Variants in SMARCAD1 observed in about 807,000 individuals in gnomAD.
The protein encoded by SMARCAD1 is SNF2 related chromatin remodeling ATPase with DExD box 1.
In SMARCAD1, 25 loss-of-function variants were observed where a neutral mutation model predicts 127.1. The ratio of observed to expected loss-of-function variants is 0.20; its 90% CI spans 0.14 to 0.27. The LOEUF is 0.27. SMARCAD1 is among the 10% of genes least tolerant of loss of function. The pLI is 1.00. For missense variants in SMARCAD1, 807 were observed against 1,206.0 expected, an observed-to-expected ratio of 0.67 and a Z score of 4.90; for synonymous variants, 400 against 396.9, an observed-to-expected ratio of 1.01 and a Z score of -0.09.
At chr4:94,254,612 T>C (rs549133133) in intron 9 of SMARCAD1, among the ~76,000 whole-genome samples, 5 of 152,262 alleles carry the variant, frequency 3.3e-5, no homozygotes, top group South Asian at 4.1e-4. Context: ...CATTACTTAC[T>C]TAAACCTCCT....
chr4:94,229,033 G>A (rs1310187847), intron 3 of SMARCAD1, among the ~76,000 whole-genome samples: 1 of 152,092 alleles, frequency 6.6e-6, no homozygotes, highest in Non-Finnish European at 1.5e-5. Flanking sequence ...ATATCACCTT[G>A]AGGCATGTGT....
chr4:94,260,604 G>A (rs1252319979), intron 9 of SMARCAD1, among the ~76,000 whole-genome samples: 1 of 152,118 alleles, frequency 6.6e-6, no homozygotes, highest in Admixed American at 6.5e-5. Context: ...CAAAAGTGCT[G>A]AGATTACAGG....
intron 15 of SMARCAD1, 38 bp from the exon 16 acceptor site, chr4:94,276,984 T>G: frequency 6.2e-7 from 1 of 1,613,004 alleles, no homozygotes; most frequent in Non-Finnish European, 8.5e-7. Context: ...AGTGGCTCTT[T>G]AAGAAAAAGC....
intron 10 of SMARCAD1, among the ~76,000 whole-genome samples, chr4:94,269,454 T>G (rs1435004190): frequency 6.6e-6 from 1 of 152,060 alleles, no homozygotes; most frequent in African/African-American, 2.4e-5. Flanking sequence ...AAAATCTTAG[T>G]CTTAACACTT....
At chr4:94,211,240 C>G (rs1377581693) in intron 2 of SMARCAD1, among the ~76,000 whole-genome samples, 4 of 152,080 alleles carry the variant, frequency 2.6e-5, no homozygotes, top group Admixed American at 1.3e-4. Context: ...CCATTGCACT[C>G]CAGCCTGGGC....
At chr4:94,288,225 ATATAT>A (rs1755228979) in intron 23 of SMARCAD1, among the ~76,000 whole-genome samples, 1 of 152,064 alleles carries the variant, frequency 6.6e-6, no homozygotes, top group Admixed American at 6.6e-5. Flanking sequence ...AGACATTATC[ATATAT>A]TATTCATATC....
At chr4:94,271,002 A>G (rs1488504446) in intron 11 of SMARCAD1, among the ~76,000 whole-genome samples, 184 bp downstream of exon 11, 1 of 152,202 alleles carries the variant, frequency 6.6e-6, no homozygotes, top group Admixed American at 6.5e-5. Flanking sequence ...CCTCCCCAAG[A>G]TGAAGATAGA....
At chr4:94,222,293 A>G (rs1744269093) in intron 2 of SMARCAD1, among the ~76,000 whole-genome samples, 1 of 152,218 alleles carries the variant, frequency 6.6e-6, no homozygotes, top group South Asian at 2.1e-4. Flanking sequence ...TTTTAAGTAA[A>G]TAAATATTTA....
At position 94,268,465 on chromosome 4, in the gene SMARCAD1, T is replaced by C. The variant is rs146269509; in HGVS notation, c.1482-2263T>C. Among the ~76,000 whole-genome samples, 1,148 of 152,322 alleles carry C rather than the reference T, an allele frequency of 7.5e-3. 7 individuals are homozygous for C. Among genetic ancestry groups the C allele is most frequent in the African/African-American group, 0.026 (1,071 of 41,580 alleles). On this transcript the variant is annotated intron_variant, in intron 10 of 23. Transcript: ENST00000354268. ...TTATAAGTGATGTATGCCTACCTTA[T>C]CAAGTTTCATTAGTCGTAAATTGTG...
intron 5 of SMARCAD1, 86 bp from the exon 6 acceptor site, chr4:94,240,820 A>G: frequency 2.2e-6 from 2 of 892,738 alleles, no homozygotes; most frequent in East Asian, 2.6e-5. Flanking sequence ...AGTATTCATT[A>G]TAATACATTT....
In SMARCAD1 at chr4:94,289,460, T is replaced by G. The variant is rs1416104494; in HGVS notation, c.3020-13T>G. 2 of 1,608,564 alleles carry G rather than the reference T, an allele frequency of 1.2e-6. No individual in the cohort carries two copies. The highest frequency in any genetic ancestry group is 3.3e-5 in the Admixed American group (2 of 59,980). On this transcript the variant is annotated splice_polypyrimidine_tract_variant and intron_variant, in intron 23 of 23. Coordinates refer to ENST00000354268, the MANE Select transcript of SMARCAD1 (RefSeq NM_020159.5). ...TTTTTATAAAGCTTTTAATGCTACT[T>G]TCTGACCTACAGGTGATGAAGGGAG...
At chr4:94,254,795 G>A (rs925724621) in intron 9 of SMARCAD1, among the ~76,000 whole-genome samples, 2 of 152,044 alleles carry the variant, frequency 1.3e-5, no homozygotes, top group Non-Finnish European at 2.9e-5. Flanking sequence ...CAAATTAATA[G>A]TGTAAATTAG....
intron 10 of SMARCAD1, among the ~76,000 whole-genome samples, chr4:94,269,869 G>T (rs1021381368): frequency 2.6e-5 from 4 of 151,760 alleles, no homozygotes; most frequent in African/African-American, 9.7e-5. Flanking sequence ...ATAGCGTTTT[G>T]TCAATGTTGC....
At chr4:94,240,210 A>G (rs1747364992) in intron 5 of SMARCAD1, among the ~76,000 whole-genome samples, 1 of 152,220 alleles carries the variant, frequency 6.6e-6, no homozygotes, top group Admixed American at 6.5e-5. Flanking sequence ...GTTCTCTGAA[A>G]GCAAAAGTAT....
Position 94,227,356 on chromosome 4 carries a change from A to G in SMARCAD1, c.368+1060A>G, listed in dbSNP as rs530815527. Among the ~76,000 whole-genome samples the G allele has an allele frequency of 1.6e-4, 25 of 152,254 alleles. No individual in the cohort carries two copies. The South Asian group carries it at 5.2e-3, about 32-fold the overall frequency. ...TAGGAGAATATTGAACAGAGAGGTA[A>G]AATTATCTGAGTTAGATGTTTAAAA... On this transcript the variant is annotated intron_variant, in intron 3 of 23. Coordinates refer to ENST00000354268, the MANE Select transcript of SMARCAD1 (RefSeq NM_020159.5).
chr4:94,224,365 C>T (rs1373240160), intron 2 of SMARCAD1, among the ~76,000 whole-genome samples: 1 of 152,136 alleles, frequency 6.6e-6, no homozygotes, highest in African/African-American at 2.4e-5. Flanking sequence ...ATCTGAAGTT[C>T]TTGGGACCAG....
chr4:94,269,660 C>T (rs1023636314), intron 10 of SMARCAD1, among the ~76,000 whole-genome samples: 4 of 151,440 alleles, frequency 2.6e-5, no homozygotes, highest in Non-Finnish European at 4.4e-5. Context: ...CTATTGTTTT[C>T]ATTCTGTTGT....
In SMARCAD1 at chr4:94,281,809, T is replaced by G. The variant is rs912912743; in HGVS notation, c.2726+219T>G. Among the ~76,000 whole-genome samples the G allele has an allele frequency of 1.6e-4, 24 of 152,086 alleles. 1 individual carries two copies. Among genetic ancestry groups the G allele is most frequent in the African/African-American group, 5.5e-4 (23 of 41,506 alleles). ...GCTGATGCGGGCGGATTGGTTGGGC[T>G]CAGGAGTTCAAGACTACCCTGGACA... On this transcript the variant is annotated intron_variant, in intron 21 of 23. Coordinates refer to ENST00000354268, the MANE Select transcript of SMARCAD1 (RefSeq NM_020159.5).
chr4:94,247,228 T>C (rs1436393058), intron 6 of SMARCAD1, among the ~76,000 whole-genome samples: 1 of 152,210 alleles, frequency 6.6e-6, no homozygotes, highest in African/African-American at 2.4e-5. Context: ...TTTCTGCCAG[T>C]GCCAAATATG....
Sources: allele counts gnomAD v4.1 joint callset (sites outside exome capture counted in the v4.1 genomes callset), GRCh38; gene constraint gnomAD v4.1.1; transcripts MANE v1.5; gene names NCBI Gene and HGNC (gene_info 2026-07-23, HGNC 2026-07-21).